The following LATS1 variants were observed in gnomAD, a reference collection of about 807,000 sequenced individuals.
The protein encoded by LATS1 is large tumor suppressor kinase 1.
LATS1 carries 25 observed loss-of-function variants against 106.6 expected under a neutral mutation model. That is an observed-to-expected ratio of 0.23 (90% CI 0.17 to 0.33). The LOEUF (loss-of-function observed/expected upper bound fraction) is 0.33, where lower values mean the gene tolerates loss of function less well. Among genes scored for constraint, LATS1 ranks in the 10% least tolerant of loss-of-function variants. The probability of loss-of-function intolerance (pLI) is 1.00; values close to 1 mark genes in which losing one functional copy is unlikely to be tolerated. For missense variants in LATS1, 1,040 were observed against 1,382.6 expected (o/e 0.75, Z 3.93); for synonymous variants, 465 against 455.6 (o/e 1.02, Z -0.26).
chr6:149,706,183 CAAAAAAAAAAAAAAAAAAAAAAAAA>C (rs60729757), intron 1 of LATS1, among the ~76,000 whole-genome samples: 779 of 25,308 alleles, frequency 0.031, 27 homozygotes, highest in Non-Finnish European at 0.04. Flanking sequence ...AACCCGGTCG[CAAAAAAAAAAAAAAAAAAAAAAAAA>C]AAAAAAAAAA....
At chr6:149,691,997 T>C (rs1333986927) in intron 3 of LATS1, among the ~76,000 whole-genome samples, 1 of 152,202 alleles carries the variant, frequency 6.6e-6, no homozygotes, top group Non-Finnish European at 1.5e-5. Flanking sequence ...TTTATTTTCT[T>C]CACTGCTATC....
At chr6:149,688,828 G>A (rs900443613) in intron 3 of LATS1, among the ~76,000 whole-genome samples, 1 of 152,138 alleles carries the variant, frequency 6.6e-6, no homozygotes, top group African/African-American at 2.4e-5. Flanking sequence ...AGAGTAACAG[G>A]AGGCTAGAAA....
rs1004894365 is a variant in LATS1, at chr6:149,717,855, G to A, written c.-147C>T. 4.1e-5 allele frequency: 14 copies of A among 342,580 alleles called. No individual in the cohort carries two copies. Among genetic ancestry groups the A allele is most frequent in the Non-Finnish European group, 5.6e-5 (10 of 177,018 alleles). The allele number at this position is 342,580 out of a possible 1,614,324, so 21.2% of individuals were successfully genotyped here. A position where few individuals can be genotyped will look rare whatever the true frequency, so the allele number is the denominator to read the frequency against. On this transcript the variant is annotated 5_prime_UTR_variant, in exon 1 of 8. Transcript: ENST00000543571. ...ACGCCAGCCCCGGACCTACCTGGAG[G>A]GGAGAGCAGAGCTCCTGGACAGCGG... is the stretch of plus-strand genomic sequence containing the variant.
Position 149,661,861 on chromosome 6 carries a change from A to G in LATS1, c.3261T>C (p.Asn1087=), listed in dbSNP as rs200484251. 1.3e-4 allele frequency: 211 copies of G among 1,614,096 alleles called. 2 individuals are homozygous for G. In the East Asian group the frequency reaches 3.4e-3, roughly 26 times the overall value. The part of the protein sequence containing the change: ...EFTFRRFFDD[N]GYPYNYPKPI... ...GCTTCGGATAATTATATGGGTAGCC[A>G]TTGTCATCAAAAAACCTTCGGAAGG... The change falls in exon 8 of 8, where the codon AAT becomes AAC. Residue 1087 remains asparagine (N), a synonymous_variant. Transcript: ENST00000543571.
intron 3 of LATS1, among the ~76,000 whole-genome samples, chr6:149,692,030 CAA>C (rs1782787824): frequency 6.6e-6 from 1 of 152,090 alleles, no homozygotes; most frequent in African/African-American, 2.4e-5. Flanking sequence ...ATTACCCTCA[CAA>C]ACTACTGTGT....
intron 3 of LATS1, among the ~76,000 whole-genome samples, chr6:149,689,311 C>A (rs1290118222): frequency 6.7e-6 from 1 of 148,962 alleles, no homozygotes; most frequent in Non-Finnish European, 1.5e-5. Context: ...AGGCCATGGA[C>A]AAGGAATTTG....
Position 149,678,164 on chromosome 6 carries a change from C to CAAAAAAAAAAAAAAAAAAAAA in LATS1, c.2594-1448_2594-1428dup, listed in dbSNP as rs56884854. 6.9e-5 allele frequency among the ~76,000 whole-genome samples: 3 copies of CAAAAAAAAAAAAAAAAAAAAA among 43,508 alleles called. 1 individual carries two copies. The highest frequency in any genetic ancestry group is 1.3e-4 in the Non-Finnish European group (3 of 23,986). 28.5% of individuals were successfully genotyped at this position (43,508 alleles called of 152,430 possible). On this transcript the variant is annotated intron_variant, in intron 5 of 7. Coordinates refer to ENST00000543571, the MANE Select transcript of LATS1 (RefSeq NM_004690.4). ...TGAAACCTGGTCTCTACTAAAAATC[C>CAAAAAAAAAAAAAAAAAAAAA]AAAAAAAAAAAAAAAAAAAAAAAAA...
rs1369877838 is a variant in LATS1 at position 149,658,568 on chromosome 6, C to T, written c.*3161G>A. On this transcript the variant is annotated 3_prime_UTR_variant, in exon 8 of 8. Transcript: ENST00000543571. ...TATTAAAAATTTTTTATCTAAAATA[C>T]CTTGGGTAACAGCAGCAGCAATGTC... 2 of 152,066 alleles carry T rather than the reference C, an allele frequency of 1.3e-5. No individual in the cohort carries two copies. The highest frequency in any genetic ancestry group is 4.1e-4 in the South Asian group (2 of 4,822). 9.4% of individuals were successfully genotyped at this position (152,066 alleles called of 1,614,324 possible).
intron 1 of LATS1, among the ~76,000 whole-genome samples, chr6:149,702,577 T>G (rs1005281166): frequency 6.5e-4 from 99 of 152,300 alleles, no homozygotes; most frequent in African/African-American, 2.4e-3. Flanking sequence ...AACCTCTTAT[T>G]AACAACTTCA....
At chr6:149,676,189 G>C (rs536228494) in intron 7 of LATS1, 71 bp downstream of exon 7, 86 of 1,034,382 alleles carry the variant, frequency 8.3e-5, no homozygotes, top group South Asian at 5.4e-4. Context: ...AATGCTCTAC[G>C]TACTAATAAA....
intron 1 of LATS1, among the ~76,000 whole-genome samples, chr6:149,707,644 A>T (rs1783865610): frequency 6.6e-6 from 1 of 152,220 alleles, no homozygotes; most frequent in Non-Finnish European, 1.5e-5. Flanking sequence ...GTATATGTGT[A>T]ACAATGTGTT....
chr6:149,679,192 A>T (rs534700174), intron 5 of LATS1, among the ~76,000 whole-genome samples: 9 of 152,304 alleles, frequency 5.9e-5, no homozygotes, highest in African/African-American at 2.2e-4. Context: ...AAGGGCTTCT[A>T]AAGTACTGAT....
chr6:149,667,763 G>A (rs752783569), intron 7 of LATS1, among the ~76,000 whole-genome samples: 1 of 152,014 alleles, frequency 6.6e-6, no homozygotes, highest in African/African-American at 2.4e-5. Flanking sequence ...TCATAATTAC[G>A]ATACAGAAAA....
At chr6:149,664,655 T>C (rs1325526815) in intron 7 of LATS1, among the ~76,000 whole-genome samples, 3 of 152,230 alleles carry the variant, frequency 2.0e-5, no homozygotes, top group Non-Finnish European at 4.4e-5. Context: ...GAAAAGTAAA[T>C]AATAACAGGT....
chr6:149,688,587 C>T (rs1018849034), intron 3 of LATS1, among the ~76,000 whole-genome samples: 2 of 152,028 alleles, frequency 1.3e-5, no homozygotes, highest in Non-Finnish European at 1.5e-5. Flanking sequence ...GGATTACAGG[C>T]GTGAGCCACT....
intron 5 of LATS1, 141 bp from the exon 6 acceptor site, chr6:149,676,878 T>A: frequency 1.4e-6 from 1 of 697,774 alleles, no homozygotes; most frequent in Non-Finnish European, 2.3e-6. Flanking sequence ...GCCAAATCAC[T>A]GATGGTGTTT....
At chr6:149,715,971 C>T (rs1328872085) in intron 1 of LATS1, among the ~76,000 whole-genome samples, 1 of 152,140 alleles carries the variant, frequency 6.6e-6, no homozygotes, top group Non-Finnish European at 1.5e-5. Flanking sequence ...CTACCTACCC[C>T]ATAACTTTCA....
chr6:149,675,088 A>G (rs1158362514), intron 7 of LATS1, among the ~76,000 whole-genome samples: 1 of 151,842 alleles, frequency 6.6e-6, no homozygotes, highest in Non-Finnish European at 1.5e-5. Context: ...ATGATGGCGC[A>G]TGCCTGTAAT....
intron 4 of LATS1, among the ~76,000 whole-genome samples, chr6:149,682,139 A>G (rs1200268985): frequency 2.0e-5 from 3 of 151,438 alleles, no homozygotes; most frequent in African/African-American, 4.9e-5. Context: ...TGATCGTACT[A>G]CCTTAATATC....
Sources: gnomAD v4.1 joint callset for allele counts (sites outside exome capture counted in the v4.1 genomes callset) on GRCh38, gnomAD v4.1.1 for gene constraint, MANE v1.5 for transcripts, NCBI Gene and HGNC (gene_info 2026-07-23, HGNC 2026-07-21) for gene names.